The following ZNF891 variants were observed in gnomAD, a reference collection of about 807,000 sequenced individuals.
ZNF891 encodes hCG1646157.
For synonymous variants in ZNF891, 199 were observed against 209.0 expected, an observed-to-expected ratio of 0.95 and a Z score of 0.41; for missense variants, 589 against 632.7, an observed-to-expected ratio of 0.93 and a Z score of 0.74.
At position 133,117,358 on chromosome 12, in the gene ZNF891, GGTTA is replaced by G. The variant is rs1276822885; in HGVS notation, c.*2922_*2925del. ...TAAAGAATAAAAAATATATATATTT[GGTTA>G]GTAATTAGCAGTGGCTGCCACACAG... On this transcript the variant is annotated 3_prime_UTR_variant, in exon 2 of 2. Coordinates refer to ENST00000537226, the MANE Select transcript of ZNF891 (RefSeq NM_001277291.2). The G allele has an allele frequency of 1.1e-4, 16 of 152,288 alleles. No individual in the cohort carries two copies. Among genetic ancestry groups the G allele is most frequent in the African/African-American group, 3.9e-4 (16 of 41,554 alleles). 9.4% of individuals were successfully genotyped at this position (152,288 alleles called of 1,614,324 possible).
chr12:133,112,317 T>C lies in ZNF891; in HGVS notation c.*7967A>G, dbSNP rs1465798434. 1.4e-5 allele frequency: 2 copies of C among 147,280 alleles called. No homozygotes were observed. The highest frequency in any genetic ancestry group is 3.0e-5 in the Non-Finnish European group (2 of 66,734). The allele number at this position is 147,280 out of a possible 1,614,324, so 9.1% of individuals were successfully genotyped here. On this transcript the variant is annotated 3_prime_UTR_variant, in exon 2 of 2. Coordinates refer to ENST00000537226, the MANE Select transcript of ZNF891 (RefSeq NM_001277291.2). ...TTTCAAGTTAAATGTTATTTTCTCA[T>C]GGAGACCTTCTTTTTTTTTTTTGAG... is the stretch of plus-strand genomic sequence containing the variant.
chr12:133,106,053 A>C lies in ZNF891; in HGVS notation c.*14231T>G. On this transcript the variant is annotated 3_prime_UTR_variant, in exon 2 of 2. Coordinates refer to ENST00000537226, the MANE Select transcript of ZNF891 (RefSeq NM_001277291.2). ...GGAAAGGCCTTTAGCCGTGCCTCCA[A>C]CCTCACTCGACATCAAAGAATTCAC... The C allele has an allele frequency of 1.9e-6, 3 of 1,614,144 alleles. No individual in the cohort carries two copies. The highest frequency in any genetic ancestry group is 2.5e-6 in the Non-Finnish European group (3 of 1,180,008).
Position 133,114,751 on chromosome 12 carries a change from T to G in ZNF891, c.*5533A>C, listed in dbSNP as rs1279168645. On this transcript the variant is annotated 3_prime_UTR_variant, in exon 2 of 2. Transcript: ENST00000537226. ...AAAGGATAAATAGGACAGGTTAAAT[T>G]AGGGAGACAGTGAAGATAAAGGGAA... 6.6e-6 allele frequency: 1 copy of G among 152,178 alleles called. No homozygotes were observed. Among genetic ancestry groups the G allele is most frequent in the African/African-American group, 2.4e-5 (1 of 41,450 alleles). The allele number at this position is 152,178 out of a possible 1,614,324, so 9.4% of individuals were successfully genotyped here.
chr12:133,120,240 T>C lies in ZNF891; in HGVS notation c.*44A>G. The C allele has an allele frequency of 7.1e-7, 1 of 1,417,948 alleles. No individual in the cohort carries two copies. The highest frequency in any genetic ancestry group is 9.3e-7 in the Non-Finnish European group (1 of 1,072,960). The allele number at this position is 1,417,948 out of a possible 1,614,324, so 87.8% of individuals were successfully genotyped here. A position where few individuals can be genotyped will look rare whatever the true frequency, so the allele number is the denominator to read the frequency against. On this transcript the variant is annotated 3_prime_UTR_variant, in exon 2 of 2. Transcript: ENST00000537226. ...AAAGACTGAGACAAGGAGCTTGGAA[T>C]CCACCTTAAGACAATGAAAACAGCA...
chr12:133,127,137 T>C (rs1955826158), intron 1 of ZNF891, among the ~76,000 whole-genome samples: 1 of 151,832 alleles, frequency 6.6e-6, no homozygotes, highest in African/African-American at 2.4e-5. Flanking sequence ...CTAATTTTCT[T>C]ATTTTTAGTA....
In ZNF891 at chr12:133,106,598, T is replaced by C. The variant is rs752268911; in HGVS notation, c.*13686A>G. 3 of 1,607,572 alleles carry C rather than the reference T, an allele frequency of 1.9e-6. No homozygotes were observed. The highest frequency in any genetic ancestry group is 2.7e-5 in the African/African-American group (2 of 74,566). ...GAGGACACACACTCTTGACAACCCCTATGAATATGAAAATTCATTTAATTA... is the reference window on the plus strand; with the variant it reads ...GAGGACACACACTCTTGACAACCCCCATGAATATGAAAATTCATTTAATTA... On this transcript the variant is annotated 3_prime_UTR_variant, in exon 2 of 2. Transcript: ENST00000537226.
chr12:133,126,473 CA>C (rs869209894), intron 1 of ZNF891, among the ~76,000 whole-genome samples: 1,183 of 58,300 alleles, frequency 0.02, 15 homozygotes, highest in Middle Eastern at 0.07. Flanking sequence ...GACTCCGTCT[CA>C]AAAAAAAAAA....
intron 1 of ZNF891, among the ~76,000 whole-genome samples, chr12:133,128,459 C>G (rs61951784): frequency 0.19 from 28,282 of 152,118 alleles, 3,376 homozygotes; most frequent in Non-Finnish European, 0.26. Context: ...CCGTGAAACC[C>G]CGTCTCTACT....
chr12:133,125,960 C>G, intron 1 of ZNF891: 1 of 426,210 alleles, frequency 2.3e-6, no homozygotes, highest in East Asian at 6.0e-5. Flanking sequence ...TAAACTGAGT[C>G]CAGCTGGCTA....
At chr12:133,126,494 A>G (rs1566339028) in intron 1 of ZNF891, among the ~76,000 whole-genome samples, 1 of 149,828 alleles carries the variant, frequency 6.7e-6, no homozygotes, top group Non-Finnish European at 1.5e-5. Flanking sequence ...AAAAAAAAAA[A>G]GATAAACTTA....
In ZNF891 at chr12:133,120,616, T is replaced by G; in HGVS notation, c.1303A>C (p.Ser435Arg). ...GTGTTGAAGGCTTTTCCACACTCAC[T>G]GCATTCATAGAGTTTTTCTCCAGTG... ...IHTGEKLYEC[S>R]ECGKAFNTSS... is the part of the protein sequence containing the mutation. The change falls in exon 2 of 2, where the codon AGT (serine) becomes CGT (arginine). Residue 435 changes from serine (S) to arginine (R), a missense_variant. Transcript: ENST00000537226. The G allele has an allele frequency of 6.4e-7, 1 of 1,560,678 alleles. No individual in the cohort carries two copies. The highest frequency in any genetic ancestry group is 8.7e-7 in the Non-Finnish European group (1 of 1,153,620).
At position 133,121,181 on chromosome 12, in the gene ZNF891, T is replaced by C; in HGVS notation, c.738A>G (p.Glu246=). 1 of 1,535,514 alleles carries C rather than the reference T, an allele frequency of 6.5e-7. No homozygotes were observed. Among genetic ancestry groups the C allele is most frequent in the Non-Finnish European group, 8.7e-7 (1 of 1,146,808 alleles). The part of the protein sequence containing the change: ...VKNSISEKLY[E]SHECDTTLWH... ...ATAGAGTTGTATCACATTCATGACT[T>C]TCATAGAGCTTCTCACTTATAGAGT... The change falls in exon 2 of 2, where the codon GAA becomes GAG. Residue 246 remains glutamate (E), a synonymous_variant. Transcript: ENST00000537226.
At chr12:133,124,770 T>C (rs1955798782) in intron 1 of ZNF891, among the ~76,000 whole-genome samples, 1 of 146,496 alleles carries the variant, frequency 6.8e-6, no homozygotes, top group Non-Finnish European at 1.5e-5. Context: ...TCTCAGTCTT[T>C]AGCATACGAT....
In ZNF891 at chr12:133,115,961, A is replaced by C. The variant is rs1955713231; in HGVS notation, c.*4323T>G. The C allele has an allele frequency of 6.6e-6, 1 of 152,144 alleles. No individual in the cohort carries two copies. Among genetic ancestry groups the C allele is most frequent in the Non-Finnish European group, 1.5e-5 (1 of 68,010 alleles). The allele number at this position is 152,144 out of a possible 1,614,324, so 9.4% of individuals were successfully genotyped here. A position where few individuals can be genotyped will look rare whatever the true frequency, so the allele number is the denominator to read the frequency against. ...AGGTTTCAGGTTTTGGAGCATTCTGAATTTCAGATTTTCAGATTTGAGATG... is the reference window on the plus strand; with the variant it reads ...AGGTTTCAGGTTTTGGAGCATTCTGCATTTCAGATTTTCAGATTTGAGATG... On this transcript the variant is annotated 3_prime_UTR_variant, in exon 2 of 2. Coordinates refer to ENST00000537226, the MANE Select transcript of ZNF891 (RefSeq NM_001277291.2).
chr12:133,128,978 A>G (rs1362318451), intron 1 of ZNF891, among the ~76,000 whole-genome samples: 1 of 151,974 alleles, frequency 6.6e-6, no homozygotes, highest in East Asian at 1.9e-4. Context: ...GTAATCAAGA[A>G]AAAAAGGCCT....
chr12:133,125,881 G>C (rs1248381916), intron 1 of ZNF891: 1 of 500,922 alleles, frequency 2.0e-6, no homozygotes, highest in Non-Finnish European at 4.0e-6. Flanking sequence ...CTGATGGAGA[G>C]AAGAAGGCAT....
At chr12:133,128,179 C>G (rs1349864713) in intron 1 of ZNF891, among the ~76,000 whole-genome samples, 1 of 152,152 alleles carries the variant, frequency 6.6e-6, no homozygotes, top group East Asian at 1.9e-4. Flanking sequence ...GAAGCCAGAA[C>G]TGCTTAAATA....
In ZNF891 at chr12:133,106,067, C is replaced by CAAAG. The variant is rs1955580963; in HGVS notation, c.*14213_*14216dup. The CAAAG allele has an allele frequency of 6.2e-7, 1 of 1,613,940 alleles. No homozygotes were observed. Among genetic ancestry groups the CAAAG allele is most frequent in the Admixed American group, 1.7e-5 (1 of 59,992 alleles). ...CCGTGCCTCCAACCTCACTCGACAT[C>CAAAG]AAAGAATTCACATAGGAAAGAAACA... is the stretch of plus-strand genomic sequence containing the variant. On this transcript the variant is annotated 3_prime_UTR_variant, in exon 2 of 2. Coordinates refer to ENST00000537226, the MANE Select transcript of ZNF891 (RefSeq NM_001277291.2).
At position 133,112,842 on chromosome 12, in the gene ZNF891, GA is replaced by G. The variant is rs1329787417; in HGVS notation, c.*7441del. 6.6e-6 allele frequency: 1 copy of G among 152,022 alleles called. No individual in the cohort carries two copies. Among genetic ancestry groups the G allele is most frequent in the Non-Finnish European group, 1.5e-5 (1 of 68,014 alleles). 9.4% of individuals were successfully genotyped at this position (152,022 alleles called of 1,614,324 possible). On this transcript the variant is annotated 3_prime_UTR_variant, in exon 2 of 2. Transcript: ENST00000537226. ...TGGGAGGCCGAGACGGGCAGATCAC[GA>G]GGTCAGGAGATCGAGACCATCCTGG...
Sources: gnomAD v4.1 joint callset for allele counts (sites outside exome capture counted in the v4.1 genomes callset) on GRCh38, gnomAD v4.1.1 for gene constraint, MANE v1.5 for transcripts, NCBI Gene and HGNC (gene_info 2026-07-23, HGNC 2026-07-21) for gene names.